NPIPA5: variants seen among roughly 807,000 people sequenced by gnomAD.
NPIPA5 encodes the protein nuclear pore complex-interacting protein family member A5.
A neutral mutation model predicts 21.4 loss-of-function variants in NPIPA5; 6 were observed. The observed-to-expected ratio is 0.28, with a 90% confidence interval of 0.15 to 0.55. The LOEUF is 0.55. NPIPA5 is among the 20% of genes least tolerant of loss of function. NPIPA5 has a pLI of 0.93. For missense variants in NPIPA5, 99 were observed against 318.2 expected (o/e 0.31, Z 5.24); for synonymous variants, 33 against 115.3 (o/e 0.29, Z 4.57).
intron 1 of NPIPA5, among the ~76,000 whole-genome samples, chr16:15,374,152 AACAT>A (rs1266239043): frequency 6.7e-6 from 1 of 150,012 alleles, no homozygotes; most frequent in African/African-American, 2.5e-5. Flanking sequence ...AGCCACACAT[AACAT>A]ACACTAACAC....
Position 15,370,812 on chromosome 16 carries a change from A to G in NPIPA5, c.193-693T>C, listed in dbSNP as rs2050135562. Among the ~76,000 whole-genome samples the G allele has an allele frequency of 2.0e-5, 3 of 148,490 alleles. 1 individual carries two copies. The highest frequency in any genetic ancestry group is 7.0e-5 in the Admixed American group (1 of 14,296). ...ACGCCTGTAATCCCAGCACTTTGGG[A>G]GGCCGAGGCGGGTGAATCACGGTCC... On this transcript the variant is annotated intron_variant, in intron 2 of 7. Transcript: ENST00000360151.
intron 4 of NPIPA5, among the ~76,000 whole-genome samples, chr16:15,369,489 C>T (rs1166685144): frequency 6.6e-6 from 1 of 151,702 alleles, no homozygotes; most frequent in Non-Finnish European, 1.5e-5. Context: ...AAACCAATGC[C>T]AGTACTAGCA....
intron 4 of NPIPA5, among the ~76,000 whole-genome samples, chr16:15,369,406 C>G (rs1158908519): frequency 6.6e-6 from 1 of 150,596 alleles, no homozygotes; most frequent in African/African-American, 2.5e-5. Context: ...GAGATTGTGC[C>G]ATTGCACTAC....
Position 15,366,761 on chromosome 16 carries a change from C to G in NPIPA5, c.438-1G>C. 5.3e-6 allele frequency: 8 copies of G among 1,497,008 alleles called. No homozygotes were observed. Among genetic ancestry groups the G allele is most frequent in the Non-Finnish European group, 7.1e-6 (8 of 1,132,150 alleles). 92.7% of individuals were successfully genotyped at this position (1,497,008 alleles called of 1,614,324 possible). A position where few individuals can be genotyped will look rare whatever the true frequency, so the allele number is the denominator to read the frequency against. Reference sequence around the variant, plus strand: ...TTCTTTCATGCTTAGTTTCCTCAGACTAGAAGGGAGAGAAATGCACACACA... The same window carrying G: ...TTCTTTCATGCTTAGTTTCCTCAGAGTAGAAGGGAGAGAAATGCACACACA... On this transcript the variant is annotated splice_acceptor_variant, in intron 4 of 7. Transcript: ENST00000360151. LOFTEE classifies it high-confidence loss of function.
chr16:15,370,063 A>C lies in NPIPA5; in HGVS notation c.249T>G (p.Asp83Glu), dbSNP rs201129860. Residue 83 changes from aspartate to glutamate, a missense_variant, in exon 3 of 8, where the codon GAT (aspartate) becomes GAG (glutamate). Coordinates refer to ENST00000360151, the MANE Select transcript of NPIPA5 (RefSeq NM_001277325.2). ...TGGACCTCCTGGCTCTCTGCTGTAC[A>C]TCCGTGGATCCATCATGTCCATTTT... ...PSQNGHDGST[D>E]VQQRARRSNC... The C allele has an allele frequency of 5.5e-3, 8,346 of 1,507,420 alleles. 389 individuals carry two copies. Among genetic ancestry groups the C allele is most frequent in the Middle Eastern group, 7.9e-3 (34 of 4,308 alleles). 93.4% of individuals were successfully genotyped at this position (1,507,420 alleles called of 1,614,324 possible). A position where few individuals can be genotyped will look rare whatever the true frequency, so the allele number is the denominator to read the frequency against.
intron 1 of NPIPA5, among the ~76,000 whole-genome samples, chr16:15,375,991 G>T (rs2050281489): frequency 6.6e-6 from 1 of 150,718 alleles, no homozygotes; most frequent in South Asian, 2.1e-4. Flanking sequence ...AACAGAGATA[G>T]CCCTTCAACA....
chr16:15,366,764 G>A lies in NPIPA5; in HGVS notation c.438-4C>T, dbSNP rs779049261. The stretch of plus-strand genomic sequence containing the variant: ...TTTCATGCTTAGTTTCCTCAGACTA[G>A]AAGGGAGAGAAATGCACACACATGA... On this transcript the variant is annotated splice_region_variant and splice_polypyrimidine_tract_variant and intron_variant, in intron 4 of 7. Transcript: ENST00000360151. The A allele has an allele frequency of 1.5e-5, 22 of 1,486,838 alleles. No individual in the cohort carries two copies. The South Asian group carries it at 2.7e-4, about 18-fold the overall frequency. 92.1% of individuals were successfully genotyped at this position (1,486,838 alleles called of 1,614,324 possible). A position where few individuals can be genotyped will look rare whatever the true frequency, so the allele number is the denominator to read the frequency against.
chr16:15,377,709 GTT>G, intron 1 of NPIPA5, among the ~76,000 whole-genome samples: 1 of 114,496 alleles, frequency 8.7e-6, no homozygotes, highest in African/African-American at 3.0e-5. Flanking sequence ...GAAGGGGGCT[GTT>G]GGGGAGGAGG....
chr16:15,372,035 A>G (rs1462654245), intron 2 of NPIPA5, among the ~76,000 whole-genome samples: 1 of 147,280 alleles, frequency 6.8e-6, no homozygotes, highest in East Asian at 2.0e-4. Context: ...GAAGCAAAGA[A>G]ATGCCATCAC....
intron 1 of NPIPA5, among the ~76,000 whole-genome samples, chr16:15,375,603 A>C (rs1245532877): frequency 6.7e-6 from 1 of 148,400 alleles, no homozygotes; most frequent in Non-Finnish European, 1.5e-5. Context: ...TTAGCAGGGC[A>C]TGGTGGCACG....
upstream of NPIPA5, among the ~76,000 whole-genome samples, chr16:15,379,295 T>G (rs4013424): frequency 1.8e-4 from 28 of 152,198 alleles, no homozygotes; most frequent in East Asian, 2.9e-3. Context: ...AGGGGCTGGG[T>G]GTGGTGGCTC....
upstream of NPIPA5, among the ~76,000 whole-genome samples, chr16:15,379,945 A>G (rs2050396861): frequency 5.3e-5 from 8 of 151,466 alleles, 1 homozygote; most frequent in South Asian, 1.7e-3. Flanking sequence ...CTCTGTCTCA[A>G]AAAAAAATAA....
At chr16:15,370,849 C>A (rs1347814600) in intron 2 of NPIPA5, among the ~76,000 whole-genome samples, 2 of 147,498 alleles carry the variant, frequency 1.4e-5, no homozygotes, top group African/African-American at 5.0e-5. Flanking sequence ...GAGATGGAGA[C>A]CATCCTGGGC....
Position 15,370,455 on chromosome 16 carries a change from C to T in NPIPA5, c.193-336G>A, listed in dbSNP as rs984363239. Among the ~76,000 whole-genome samples the T allele has an allele frequency of 1.5e-4, 21 of 143,054 alleles. 2 individuals carry two copies. The highest frequency in any genetic ancestry group is 3.6e-3 in the Middle Eastern group (1 of 278). 93.8% of individuals were successfully genotyped at this position (143,054 alleles called of 152,430 possible). On this transcript the variant is annotated intron_variant, in intron 2 of 7. Coordinates refer to ENST00000360151, the MANE Select transcript of NPIPA5 (RefSeq NM_001277325.2). ...ACACACACACACACACACACAAACA[C>T]ACAAGAATGACATGAGGCTGGCATG...
Position 15,370,422 on chromosome 16 carries a change from TCACACA to T in NPIPA5, c.193-309_193-304del, listed in dbSNP as rs576379543. On this transcript the variant is annotated intron_variant, in intron 2 of 7. Transcript: ENST00000360151. ...GCCTGAGTGACAGAATGAGACTCTG[TCACACA>T]CACACACACACACACACACACAAAC... is the stretch of plus-strand genomic sequence containing the variant. 4.9e-4 allele frequency among the ~76,000 whole-genome samples: 58 copies of T among 118,452 alleles called. 1 individual carries two copies. Among genetic ancestry groups the T allele is most frequent in the African/African-American group, 1.6e-3 (54 of 33,428 alleles). The allele number at this position is 118,452 out of a possible 152,430, so 77.7% of individuals were successfully genotyped here.
At chr16:15,377,776 C>T (rs1347691399) in intron 1 of NPIPA5, among the ~76,000 whole-genome samples, 7 of 149,146 alleles carry the variant, frequency 4.7e-5, no homozygotes, top group East Asian at 4.1e-4. Flanking sequence ...AGTTCTCAAG[C>T]GCTGGTGGAA....
At chr16:15,376,883 A>C (rs1219915500) in intron 1 of NPIPA5, among the ~76,000 whole-genome samples, 1 of 152,146 alleles carries the variant, frequency 6.6e-6, no homozygotes, top group Non-Finnish European at 1.5e-5. Context: ...CTGAGGCAGG[A>C]CAATTGCTTG....
At chr16:15,370,375 G>A (rs1458094071) in intron 2 of NPIPA5, among the ~76,000 whole-genome samples, 3 of 139,734 alleles carry the variant, frequency 2.1e-5, no homozygotes, top group Non-Finnish European at 3.1e-5. Context: ...GCAGTGAGCC[G>A]AGATCACACC....
intron 2 of NPIPA5, among the ~76,000 whole-genome samples, chr16:15,371,544 C>T (rs1689634544): frequency 6.8e-6 from 1 of 146,082 alleles, no homozygotes; most frequent in Non-Finnish European, 1.5e-5. Flanking sequence ...TGTCAGTCAA[C>T]CATGCTGAAG....
Sources: gnomAD v4.1 joint callset for allele counts (sites outside exome capture counted in the v4.1 genomes callset) on GRCh38, gnomAD v4.1.1 for gene constraint, MANE v1.5 for transcripts, NCBI Gene and HGNC (gene_info 2026-07-23, HGNC 2026-07-21) for gene names.